The following UTRN variants were observed in gnomAD, a reference collection of about 807,000 sequenced individuals.
UTRN encodes utrophin, also known as dystrophin-related protein 1.
In UTRN, 283 loss-of-function variants were observed where a neutral mutation model predicts 463.9. The ratio of observed to expected loss-of-function variants is 0.61; its 90% CI spans 0.55 to 0.67. The LOEUF is 0.67. Ranked by LOEUF, UTRN falls within the 30% of genes least tolerant of loss-of-function variation. The pLI is 0.00. For synonymous variants in UTRN, 1,442 were observed against 1,431.5 expected, an observed-to-expected ratio of 1.01 and a Z score of -0.17; for missense variants, 3,922 against 4,084.3, an observed-to-expected ratio of 0.96 and a Z score of 1.08.
At chr6:144,312,437 A>AAG (rs1774997364) in intron 2 of UTRN, among the ~76,000 whole-genome samples, 1 of 151,962 alleles carries the variant, frequency 6.6e-6, no homozygotes, top group African/African-American at 2.4e-5. Context: ...AAAAAAAAAA[A>AAG]AGCAATTTGG....
chr6:144,717,910 C>T (rs979168490), intron 53 of UTRN, among the ~76,000 whole-genome samples: 7 of 152,256 alleles, frequency 4.6e-5, no homozygotes, highest in East Asian at 1.9e-4. Context: ...GCTGGTACTA[C>T]AGGCATGAGC....
At chr6:144,433,656 T>A (rs1438062975) in intron 9 of UTRN, among the ~76,000 whole-genome samples, 36 of 151,532 alleles carry the variant, frequency 2.4e-4, no homozygotes, top group Non-Finnish European at 4.6e-4. Flanking sequence ...GCTCCTCACC[T>A]CCCAGACGGG....
intron 22 of UTRN, among the ~76,000 whole-genome samples, chr6:144,461,982 G>C (rs192792785): frequency 6.6e-6 from 1 of 151,960 alleles, no homozygotes; most frequent in Admixed American, 6.6e-5. Context: ...ATGGGTAAAC[G>C]TGTGTCATGG....
chr6:144,799,010 G>A (rs752927797), intron 64 of UTRN, among the ~76,000 whole-genome samples: 1 of 152,226 alleles, frequency 6.6e-6, no homozygotes, highest in South Asian at 2.1e-4. Flanking sequence ...AAAGTGCTGG[G>A]ATTACAGGCG....
intron 51 of UTRN, among the ~76,000 whole-genome samples, chr6:144,648,702 C>G (rs1333929058): frequency 1.3e-5 from 2 of 152,000 alleles, no homozygotes; most frequent in Non-Finnish European, 2.9e-5. Context: ...AAAATCAAGC[C>G]CTAGAATTTT....
chr6:144,813,821 G>A (rs1778842358), intron 65 of UTRN, among the ~76,000 whole-genome samples: 1 of 152,214 alleles, frequency 6.6e-6, no homozygotes, highest in South Asian at 2.1e-4. Context: ...GTTTTGCCAT[G>A]CGCAGAGGCT....
intron 17 of UTRN, 36 bp downstream of exon 17, chr6:144,448,805 T>C (rs1787952585): frequency 6.2e-7 from 1 of 1,600,474 alleles, no homozygotes. Flanking sequence ...AAATCCAATA[T>C]TGCACATACT....
chr6:144,541,167 T>A (rs1797946912), intron 45 of UTRN, among the ~76,000 whole-genome samples: 1 of 152,190 alleles, frequency 6.6e-6, no homozygotes, highest in South Asian at 2.1e-4. Context: ...AGTCCACCAA[T>A]GGTTTTCTAT....
chr6:144,412,631 C>A (rs543446516), intron 3 of UTRN, among the ~76,000 whole-genome samples: 1 of 151,830 alleles, frequency 6.6e-6, no homozygotes, highest in Non-Finnish European at 1.5e-5. Context: ...GATGCTTGGG[C>A]ATCATTTTGA....
chr6:144,319,211 TG>T (rs1775475691), intron 2 of UTRN, among the ~76,000 whole-genome samples: 1 of 152,174 alleles, frequency 6.6e-6, no homozygotes, highest in South Asian at 2.1e-4. Context: ...ACTCTTTTAA[TG>T]TTGTGGCCCA....
intron 50 of UTRN, among the ~76,000 whole-genome samples, chr6:144,568,100 C>A (rs1800584769): frequency 6.6e-6 from 1 of 152,082 alleles, no homozygotes; most frequent in African/African-American, 2.4e-5. Flanking sequence ...AAAAAAAATC[C>A]TACTTCCCTT....
At chr6:144,445,540 T>C (rs1422111770) in intron 14 of UTRN, among the ~76,000 whole-genome samples, 1 of 150,648 alleles carries the variant, frequency 6.6e-6, no homozygotes, top group Non-Finnish European at 1.5e-5. Context: ...TGTCCAAATA[T>C]AAATTGTTAA....
intron 50 of UTRN, among the ~76,000 whole-genome samples, chr6:144,565,741 C>A (rs894683009): frequency 6.6e-6 from 1 of 152,030 alleles, no homozygotes; most frequent in Non-Finnish European, 1.5e-5. Context: ...CTTGGACATT[C>A]CTGGTGATTT....
intron 2 of UTRN, among the ~76,000 whole-genome samples, chr6:144,394,612 G>A (rs1782232525): frequency 1.3e-5 from 2 of 152,084 alleles, no homozygotes; most frequent in Admixed American, 6.5e-5. Context: ...AAGACACATG[G>A]CATACAGTGA....
At chr6:144,725,995 C>G (rs1787837579) in intron 53 of UTRN, among the ~76,000 whole-genome samples, 1 of 152,100 alleles carries the variant, frequency 6.6e-6, no homozygotes, top group Admixed American at 6.5e-5. Context: ...GCGAGACATT[C>G]TCCAGCCAGC....
chr6:144,489,503 T>A (rs1792824622), intron 30 of UTRN, among the ~76,000 whole-genome samples: 1 of 152,170 alleles, frequency 6.6e-6, no homozygotes, highest in African/African-American at 2.4e-5. Context: ...GTTGGGACAA[T>A]TCCTTCCTTA....
intron 21 of UTRN, 77 bp downstream of exon 21, chr6:144,459,431 G>A: frequency 6.9e-7 from 1 of 1,458,718 alleles, no homozygotes; most frequent in Non-Finnish European, 9.1e-7. Flanking sequence ...TAGAACTTGA[G>A]TACACTTGCT....
chr6:144,718,501 T>C (rs938791800), intron 53 of UTRN, among the ~76,000 whole-genome samples: 3 of 152,140 alleles, frequency 2.0e-5, no homozygotes, highest in Admixed American at 6.5e-5. Flanking sequence ...ACTGAATAGT[T>C]TCAAAATATC....
At chr6:144,593,037 G>A (rs1803268533) in intron 51 of UTRN, among the ~76,000 whole-genome samples, 1 of 152,182 alleles carries the variant, frequency 6.6e-6, no homozygotes, top group Admixed American at 6.5e-5. Context: ...AATTTAAAAT[G>A]TCAGAGAAGT....
Sources: allele counts gnomAD v4.1 joint callset (sites outside exome capture counted in the v4.1 genomes callset), GRCh38; gene constraint gnomAD v4.1.1; transcripts MANE v1.5; gene names NCBI Gene and HGNC (gene_info 2026-07-23, HGNC 2026-07-21).